CRAMP1: variants seen among roughly 807,000 people sequenced by gnomAD.
CRAMP1 encodes the protein cramped chromatin regulator 1, also known as protein cramped-like.
In CRAMP1, 50 loss-of-function variants were observed where a neutral mutation model predicts 115.4. That is an observed-to-expected ratio of 0.43 (90% confidence interval 0.35 to 0.55). The LOEUF is 0.55. Ranked by LOEUF, CRAMP1 falls within the 20% of genes least tolerant of loss-of-function variation. The pLI, the probability that CRAMP1 is intolerant of heterozygous loss-of-function variation, is 0.01. For missense variants in CRAMP1, 1,679 were observed against 1,721.7 expected (o/e 0.98, Z 0.44); for synonymous variants, 866 against 745.4 (o/e 1.16, Z -2.64).
chr16:1,623,188 G>A (rs1401464506), intron 2 of CRAMP1, among the ~76,000 whole-genome samples: 1 of 152,224 alleles, frequency 6.6e-6, no homozygotes, highest in African/African-American at 2.4e-5. Flanking sequence ...CTGAGGATGT[G>A]TCATTTTTAA....
chr16:1,660,031 C>T lies in CRAMP1; in HGVS notation c.2381C>T (p.Thr794Ile), dbSNP rs766766057. ...CAGGCCTCCCTCCGCAGCAGCAAGA[C>T]CTTCCCGCCCAGCTCTGCACCCTGC... ...RNQASLRSSK[T>I]FPPSSAPCSS... The change falls in exon 11 of 21, where the codon ACC becomes ATC. Residue 794 changes from threonine to isoleucine, a missense_variant. Physicochemically the swap from Thr to Ile is moderately conservative, Grantham distance 89. Coordinates refer to ENST00000397412, the MANE Select transcript of CRAMP1 (RefSeq NM_020825.4). The T allele has an allele frequency of 6.3e-7, 1 of 1,598,114 alleles. No individual in the cohort carries two copies. The highest frequency in any genetic ancestry group is 1.3e-5 in the African/African-American group (1 of 74,978).
At position 1,620,690 on chromosome 16, in the gene CRAMP1, C is replaced by T. The variant is rs2859311; in HGVS notation, c.347-5283C>T. 6.1e-3 allele frequency: 2,763 copies of T among 456,626 alleles called. 72 individuals carry two copies. The highest frequency in any genetic ancestry group is 0.05 in the African/African-American group (2,511 of 50,154). The allele number at this position is 456,626 out of a possible 1,614,324, so 28.3% of individuals were successfully genotyped here. On this transcript the variant is annotated intron_variant, in intron 2 of 20. Transcript: ENST00000397412. ...GGCTGTCTATTAGCCGCGTGCCTTT[C>T]GGTGAGTCATTTAACTTCTCACCTT...
rs74923146 is a variant in CRAMP1 at position 1,639,498 on chromosome 16, C to T, written c.778+1591C>T. ...GACTGAAGTGAGGTTACAAAGGTTA[C>T]ACTCTATGCAAGCATCTGATTGGTT... On this transcript the variant is annotated intron_variant, in intron 5 of 20. Coordinates refer to ENST00000397412, the MANE Select transcript of CRAMP1 (RefSeq NM_020825.4). Among the ~76,000 whole-genome samples, 202 of 151,924 alleles carry T rather than the reference C, an allele frequency of 1.3e-3. 3 individuals are homozygous for T. In the East Asian group the frequency reaches 0.032, roughly 24 times the overall value.
chr16:1,632,991 C>T (rs976104783), intron 4 of CRAMP1, among the ~76,000 whole-genome samples: 8 of 152,216 alleles, frequency 5.3e-5, no homozygotes, highest in African/African-American at 1.4e-4. Flanking sequence ...TCTCCAGCAG[C>T]GCACCTGTGC....
chr16:1,660,020 C>A lies in CRAMP1; in HGVS notation c.2370C>A (p.Arg790=), dbSNP rs2036813945. 1 of 1,601,412 alleles carries A rather than the reference C, an allele frequency of 6.2e-7. No individual in the cohort carries two copies. The highest frequency in any genetic ancestry group is 8.5e-7 in the Non-Finnish European group (1 of 1,179,254). The part of the protein sequence containing the change: ...PRCPRNQASL[R]SSKTFPPSSA... Reference sequence around the variant, plus strand: ...GCCCTCGGAACCAGGCCTCCCTCCGCAGCAGCAAGACCTTCCCGCCCAGCT... The same window carrying A: ...GCCCTCGGAACCAGGCCTCCCTCCGAAGCAGCAAGACCTTCCCGCCCAGCT... Residue 790 remains arginine (R), a synonymous_variant, in exon 11 of 21, where the codon CGC becomes CGA. Coordinates refer to ENST00000397412, the MANE Select transcript of CRAMP1 (RefSeq NM_020825.4).
intron 5 of CRAMP1, among the ~76,000 whole-genome samples, 161 bp from the exon 6 acceptor site, chr16:1,640,978 T>C (rs536253533): frequency 2.0e-5 from 3 of 152,312 alleles, no homozygotes; most frequent in Middle Eastern, 3.4e-3. Context: ...GGTGTGACTT[T>C]GAGGGAGGGG....
intron 7 of CRAMP1, 36 bp downstream of exon 7, chr16:1,652,617 T>TGC: frequency 6.6e-7 from 1 of 1,520,126 alleles, no homozygotes; most frequent in Non-Finnish European, 8.9e-7. Context: ...CCAGAGGCGG[T>TGC]GCCCATGGTG....
intron 5 of CRAMP1, among the ~76,000 whole-genome samples, chr16:1,639,309 T>C (rs373706225): frequency 6.6e-6 from 1 of 151,870 alleles, no homozygotes; most frequent in African/African-American, 2.4e-5. Flanking sequence ...CAGAGATTTA[T>C]TGAAAACCAA....
chr16:1,667,673 G>A (rs1020251749), intron 17 of CRAMP1, among the ~76,000 whole-genome samples: 1 of 152,200 alleles, frequency 6.6e-6, no homozygotes, highest in African/African-American at 2.4e-5. Flanking sequence ...TCAGCTTTCT[G>A]GGAGGAGGAG....
chr16:1,649,069 AAAG>A (rs976513845), intron 6 of CRAMP1, among the ~76,000 whole-genome samples: 3 of 152,066 alleles, frequency 2.0e-5, no homozygotes, highest in East Asian at 1.9e-4. Context: ...AAAAAAAAAA[AAAG>A]AAGTTTGTCT....
chr16:1,614,619 C>T lies in CRAMP1; in HGVS notation c.-1-20C>T, dbSNP rs2142164676. On this transcript the variant is annotated intron_variant, in intron 1 of 20. Coordinates refer to ENST00000397412, the MANE Select transcript of CRAMP1 (RefSeq NM_020825.4). The surrounding 1 kb of genome is among the most constrained non-coding windows in gnomAD (Gnocchi z 4.4). ...GGCCTGCGCCCGCCTCACCGGCCGC[C>T]TCCCCTCTCCCGGCCGCAGGATGAC... 2.4e-6 allele frequency: 3 copies of T among 1,228,630 alleles called. No homozygotes were observed. Among genetic ancestry groups the T allele is most frequent in the South Asian group, 7.8e-5 (2 of 25,762 alleles). 76.1% of individuals were successfully genotyped at this position (1,228,630 alleles called of 1,614,324 possible).
chr16:1,616,228 A>C (rs2036417909), intron 2 of CRAMP1, among the ~76,000 whole-genome samples: 1 of 152,180 alleles, frequency 6.6e-6, no homozygotes, highest in African/African-American at 2.4e-5. Context: ...CTAGTTTTTT[A>C]TTGCTAGTTA....
intron 3 of CRAMP1, among the ~76,000 whole-genome samples, chr16:1,630,179 T>G (rs986757285): frequency 3.3e-5 from 5 of 152,190 alleles, no homozygotes; most frequent in African/African-American, 1.2e-4. Flanking sequence ...GAGTCAGTCT[T>G]GCTTTGTCAC....
chr16:1,636,631 G>A (rs936183786), intron 4 of CRAMP1, among the ~76,000 whole-genome samples: 2 of 152,246 alleles, frequency 1.3e-5, no homozygotes, highest in African/African-American at 4.8e-5. Context: ...CCCCTGCTCT[G>A]TGAAGTGACC....
At position 1,665,044 on chromosome 16, in the gene CRAMP1, AT is replaced by A; in HGVS notation, c.2671-9del. ...AGTTTCATCACCTTGATTGTTGACCATTTTCCCCACAGAGAACACTGCTCCC... is the reference window on the plus strand; with the variant it reads ...AGTTTCATCACCTTGATTGTTGACCATTTCCCCACAGAGAACACTGCTCCC... On this transcript the variant is annotated splice_polypyrimidine_tract_variant and intron_variant, in intron 13 of 20. Transcript: ENST00000397412. The A allele has an allele frequency of 2.5e-6, 4 of 1,589,640 alleles. No homozygotes were observed. The highest frequency in any genetic ancestry group is 1.3e-5 in the African/African-American group (1 of 74,388).
intron 18 of CRAMP1, 80 bp from the exon 19 acceptor site, chr16:1,668,921 C>T (rs929151510): frequency 7.1e-6 from 10 of 1,410,584 alleles, no homozygotes; most frequent in African/African-American, 2.8e-5. Context: ...CTGCTGCCTT[C>T]TCCGTGGTGG....
intron 20 of CRAMP1, 139 bp downstream of exon 20, chr16:1,670,948 G>C: frequency 1.3e-6 from 1 of 749,022 alleles, no homozygotes; most frequent in East Asian, 2.7e-5. Context: ...TCCACACTCA[G>C]GTCCCTGACT....
intron 7 of CRAMP1, 68 bp downstream of exon 7, chr16:1,652,649 C>G: frequency 1.4e-6 from 2 of 1,382,682 alleles, no homozygotes; most frequent in African/African-American, 2.9e-5. Context: ...GATGGGCAGG[C>G]TGAGCTACCG....
intron 18 of CRAMP1, 95 bp from the exon 19 acceptor site, chr16:1,668,906 C>G: frequency 8.5e-7 from 1 of 1,181,510 alleles, no homozygotes; most frequent in Non-Finnish European, 1.2e-6. Flanking sequence ...TAGAGCCCTG[C>G]GGCCCTGCTG....
Sources: allele counts gnomAD v4.1 joint callset (sites outside exome capture counted in the v4.1 genomes callset), GRCh38; gene constraint gnomAD v4.1.1; non-coding constraint Gnocchi (gnomAD v3.1); transcripts MANE v1.5; gene names NCBI Gene and HGNC (gene_info 2026-07-23, HGNC 2026-07-21).